PTPRD: variants seen among roughly 807,000 people sequenced by gnomAD.
PTPRD encodes receptor-type tyrosine-protein phosphatase delta.
In PTPRD, 34 loss-of-function variants were observed where a neutral mutation model predicts 214.5. That is an observed-to-expected ratio of 0.16 (90% CI 0.12 to 0.21). The LOEUF (loss-of-function observed/expected upper bound fraction) is 0.21. PTPRD is among the 10% of genes least tolerant of loss of function. PTPRD has a pLI of 1.00. For missense variants in PTPRD, 2,545 were observed against 2,398.7 expected, an observed-to-expected ratio of 1.06 and a Z score of -1.27; for synonymous variants, 1,128 against 845.7, an observed-to-expected ratio of 1.33 and a Z score of -5.79.
intron 11 of PTPRD, among the ~76,000 whole-genome samples, chr9:8,749,468 G>A (rs112582628): frequency 0.029 from 4,366 of 152,224 alleles, 81 homozygotes; most frequent in African/African-American, 0.054. Context: ...GATTACAGGC[G>A]TGAGCCACCA....
At chr9:9,160,064 A>T (rs2099885122) in intron 10 of PTPRD, among the ~76,000 whole-genome samples, 1 of 152,090 alleles carries the variant, frequency 6.6e-6, no homozygotes, top group South Asian at 2.1e-4. Context: ...AAATGGATTA[A>T]AGATTTAAAT....
intron 9 of PTPRD, among the ~76,000 whole-genome samples, chr9:9,363,319 A>T (rs1045807913): frequency 4.6e-5 from 7 of 151,230 alleles, no homozygotes; most frequent in Non-Finnish European, 1.0e-4. Context: ...TAATGGACCC[A>T]GATTTAGAAA....
At chr9:8,701,193 C>T (rs938672425) in intron 12 of PTPRD, among the ~76,000 whole-genome samples, 1 of 151,860 alleles carries the variant, frequency 6.6e-6, no homozygotes, top group African/African-American at 2.4e-5. Context: ...TATTTTAGTG[C>T]CATAATTCAG....
At chr9:8,944,429 A>G (rs1397050762) in intron 11 of PTPRD, among the ~76,000 whole-genome samples, 1 of 152,120 alleles carries the variant, frequency 6.6e-6, no homozygotes, top group Non-Finnish European at 1.5e-5. Flanking sequence ...GGAAATCAGT[A>G]TATCAAAGAA....
intron 3 of PTPRD, among the ~76,000 whole-genome samples, chr9:10,061,234 A>G (rs2154169086): frequency 6.6e-6 from 1 of 152,132 alleles, no homozygotes; most frequent in East Asian, 1.9e-4. Flanking sequence ...CATAATAGGG[A>G]AAGACAATGC....
At chr9:9,261,618 G>A (rs1436999370) in intron 9 of PTPRD, among the ~76,000 whole-genome samples, 1 of 149,762 alleles carries the variant, frequency 6.7e-6, no homozygotes, top group Admixed American at 6.7e-5. Context: ...TAATAATAAT[G>A]AGTGTGTGCG....
chr9:9,885,135 C>A (rs1282839957), intron 5 of PTPRD, among the ~76,000 whole-genome samples: 3 of 151,774 alleles, frequency 2.0e-5, no homozygotes, highest in Non-Finnish European at 4.4e-5. Context: ...GATTACCAGG[C>A]AGAGAGCTTA....
intron 3 of PTPRD, among the ~76,000 whole-genome samples, chr9:10,225,265 C>A (rs1594733126): frequency 6.6e-6 from 1 of 151,896 alleles, no homozygotes; most frequent in Admixed American, 6.6e-5. Flanking sequence ...CTTATGGTTA[C>A]TATAATCACA....
At chr9:9,382,874 C>T (rs1448087441) in intron 9 of PTPRD, among the ~76,000 whole-genome samples, 1 of 152,026 alleles carries the variant, frequency 6.6e-6, no homozygotes, top group Non-Finnish European at 1.5e-5. Context: ...GAACGATTCA[C>T]AATAGCCAAG....
intron 35 of PTPRD, among the ~76,000 whole-genome samples, chr9:8,431,057 C>A (rs1335576724): frequency 1.3e-5 from 2 of 152,188 alleles, no homozygotes; most frequent in African/African-American, 4.8e-5. Context: ...TCCCAGCTCA[C>A]AAGCCTCCTT....
intron 7 of PTPRD, among the ~76,000 whole-genome samples, chr9:9,720,142 G>C (rs954796410): frequency 6.6e-6 from 1 of 152,108 alleles, no homozygotes; most frequent in East Asian, 1.9e-4. Context: ...GTTTCCAGCT[G>C]GCAAAGTGAC....
intron 3 of PTPRD, among the ~76,000 whole-genome samples, chr9:10,228,329 G>C (rs1308468768): frequency 6.6e-6 from 1 of 151,964 alleles, no homozygotes; most frequent in Non-Finnish European, 1.5e-5. Context: ...AACTAGAAAA[G>C]GCACTTTTAA....
intron 8 of PTPRD, among the ~76,000 whole-genome samples, chr9:9,470,529 G>T (rs949400985): frequency 3.3e-5 from 5 of 152,134 alleles, no homozygotes; most frequent in African/African-American, 1.2e-4. Flanking sequence ...GATAGAGTTG[G>T]AATAGAAGGG....
chr9:8,568,551 T>A (rs1483666182), intron 14 of PTPRD, among the ~76,000 whole-genome samples: 2 of 152,080 alleles, frequency 1.3e-5, no homozygotes, highest in Non-Finnish European at 2.9e-5. Context: ...TAAAACACAA[T>A]TAAGAGAACA....
At position 9,837,727 on chromosome 9, in the gene PTPRD, G is replaced by T. The variant is rs539044357; in HGVS notation, c.-367-70876C>A. ...TAACCAGACTGGTATGACTTTGGCT[G>T]TGTTTTCTGTTCTCTGTCCTTGCTG... is the stretch of plus-strand genomic sequence containing the variant. On this transcript the variant is annotated intron_variant, in intron 5 of 45. Coordinates refer to ENST00000381196, the MANE Select transcript of PTPRD (RefSeq NM_002839.4). Among the ~76,000 whole-genome samples, 3 of 152,054 alleles carry T rather than the reference G, an allele frequency of 2.0e-5. No individual in the cohort carries two copies. The South Asian group carries it at 6.3e-4, about 32-fold the overall frequency.
chr9:9,038,608 A>G (rs2154381820), intron 10 of PTPRD, among the ~76,000 whole-genome samples: 1 of 148,774 alleles, frequency 6.7e-6, no homozygotes, highest in Admixed American at 6.8e-5. Flanking sequence ...CAGGCTGGAA[A>G]TCAGTGGTGT....
chr9:9,449,891 C>A (rs549551774), intron 8 of PTPRD, among the ~76,000 whole-genome samples: 1 of 151,840 alleles, frequency 6.6e-6, no homozygotes, highest in African/African-American at 2.4e-5. Flanking sequence ...TCCAACCCAC[C>A]CTTCCTCCCA....
intron 11 of PTPRD, among the ~76,000 whole-genome samples, chr9:8,926,694 C>A (rs991253172): frequency 6.6e-6 from 1 of 152,286 alleles, no homozygotes; most frequent in African/African-American, 2.4e-5. Context: ...ATTTGTATTT[C>A]TTCCTTGCTC....
In PTPRD at chr9:8,394,051, G is replaced by A. The variant is rs148585845; in HGVS notation, c.4211-4644C>T. Among the ~76,000 whole-genome samples, 56 of 152,158 alleles carry A rather than the reference G, an allele frequency of 3.7e-4. No individual in the cohort carries two copies. In the East Asian group the frequency reaches 4.1e-3, roughly 11 times the overall value. On this transcript the variant is annotated intron_variant, in intron 36 of 45. Coordinates refer to ENST00000381196, the MANE Select transcript of PTPRD (RefSeq NM_002839.4). ...GCCATAGCAAACAGCTATTTGAACAGAATTAGGCACGTTTTAGGCTCTCAT... is the reference window on the plus strand; with the variant it reads ...GCCATAGCAAACAGCTATTTGAACAAAATTAGGCACGTTTTAGGCTCTCAT...
Sources: allele counts gnomAD v4.1 joint callset (sites outside exome capture counted in the v4.1 genomes callset), GRCh38; gene constraint gnomAD v4.1.1; transcripts MANE v1.5; gene names NCBI Gene and HGNC (gene_info 2026-07-23, HGNC 2026-07-21).